The following PTPN14 variants were observed in gnomAD, a reference collection of about 807,000 sequenced individuals.
The protein encoded by PTPN14 is tyrosine-protein phosphatase non-receptor type 14.
PTPN14 carries 53 observed loss-of-function variants against 126.8 expected under a neutral mutation model. The ratio of observed to expected loss-of-function variants is 0.42; its 90% CI spans 0.34 to 0.53. The LOEUF (loss-of-function observed/expected upper bound fraction) is 0.53. Ranked by LOEUF, PTPN14 falls within the 20% of genes least tolerant of loss-of-function variation. The pLI, the probability that PTPN14 is intolerant of heterozygous loss-of-function variation, is 0.08. For synonymous variants in PTPN14, 630 were observed against 599.3 expected (o/e 1.05, Z -0.75); for missense variants, 1,257 against 1,552.9 (o/e 0.81, Z 3.20).
chr1:214,526,111 G>A (rs1039829875), intron 1 of PTPN14, among the ~76,000 whole-genome samples: 1 of 151,850 alleles, frequency 6.6e-6, no homozygotes, highest in African/African-American at 2.4e-5. Context: ...GATTACAGGC[G>A]CACACCACCA....
At chr1:214,520,065 A>ATATATATATATAT (rs1553274992) in intron 1 of PTPN14, among the ~76,000 whole-genome samples, 6 of 71,106 alleles carry the variant, frequency 8.4e-5, no homozygotes, top group African/African-American at 3.7e-4. Context: ...AAAAAAAAAA[A>ATATATATATATAT]ATATATATAT....
rs1006852191 is a variant in PTPN14, at chr1:214,460,598, CACACACACACACAT to C, written c.174+4018_174+4031del. Among the ~76,000 whole-genome samples, 58 of 130,532 alleles carry C rather than the reference CACACACACACACAT, an allele frequency of 4.4e-4. No individual in the cohort carries two copies. In the East Asian group the frequency reaches 4.9e-3, roughly 11 times the overall value. 85.6% of individuals were successfully genotyped at this position (130,532 alleles called of 152,430 possible). Reference sequence around the variant, plus strand: ...CTCTGCCTTTCCCTGAAAATTCTAACACACACACACACATACACACACACACATACACACACACA... The same window carrying C: ...CTCTGCCTTTCCCTGAAAATTCTAACACACACACACACATACACACACACA... On this transcript the variant is annotated intron_variant, in intron 2 of 18. Coordinates refer to ENST00000366956, the MANE Select transcript of PTPN14 (RefSeq NM_005401.5).
intron 3 of PTPN14, among the ~76,000 whole-genome samples, chr1:214,446,333 A>G (rs1287814009): frequency 6.6e-6 from 1 of 152,072 alleles, no homozygotes; most frequent in African/African-American, 2.4e-5. Context: ...TTCTCATTCA[A>G]TTAACACCTT....
At chr1:214,395,129 G>A (rs1000685114) in intron 8 of PTPN14, 143 bp from the exon 9 acceptor site, 10 of 728,920 alleles carry the variant, frequency 1.4e-5, no homozygotes, top group Non-Finnish European at 1.9e-5. Context: ...TCTTTCAAAC[G>A]AGAAAAGAAA....
intron 10 of PTPN14, among the ~76,000 whole-genome samples, chr1:214,392,206 G>A (rs1327789637): frequency 1.3e-5 from 2 of 152,108 alleles, no homozygotes; most frequent in Non-Finnish European, 2.9e-5. Flanking sequence ...GAGAGAGAGA[G>A]AGCGAGAGAG....
At chr1:214,392,183 G>GGAGAGAGAGAAAGA (rs1558082569) in intron 10 of PTPN14, among the ~76,000 whole-genome samples, 1 of 151,952 alleles carries the variant, frequency 6.6e-6, no homozygotes, top group Admixed American at 6.6e-5. Flanking sequence ...ATTTAATGGG[G>GGAGAGAGAGAAAGA]GAGAGAGAGA....
In PTPN14 at chr1:214,383,038, G is replaced by A. The variant is rs534390438; in HGVS notation, c.2544+273C>T. Among the ~76,000 whole-genome samples the A allele has an allele frequency of 6.6e-6, 1 of 152,192 alleles. No homozygotes were observed. The highest frequency in any genetic ancestry group is 1.5e-5 in the Non-Finnish European group (1 of 68,038). ...TTCCCCAATACCAGCTTACCCAATT[G>A]GAAGTCTGAGCTTTGAATAAACAGC... is the stretch of plus-strand genomic sequence containing the variant. On this transcript the variant is annotated intron_variant, in intron 13 of 18. Coordinates refer to ENST00000366956, the MANE Select transcript of PTPN14 (RefSeq NM_005401.5). This position sits in a 1 kb window ranked among gnomAD's most constrained non-coding sequence, Gnocchi z 4.4.
chr1:214,482,136 G>A (rs1014754709), intron 1 of PTPN14, among the ~76,000 whole-genome samples: 1 of 151,874 alleles, frequency 6.6e-6, no homozygotes, highest in Admixed American at 6.6e-5. Flanking sequence ...GAACCTGTAG[G>A]TGATGCTAAA....
At chr1:214,390,482 A>T (rs994103191) in intron 11 of PTPN14, among the ~76,000 whole-genome samples, 2 of 152,294 alleles carry the variant, frequency 1.3e-5, no homozygotes, top group South Asian at 2.1e-4. Context: ...GATTTTTTTT[A>T]AAAGGCCTAA....
chr1:214,458,038 TAGAG>T (rs1335195820), intron 2 of PTPN14, among the ~76,000 whole-genome samples: 2 of 146,112 alleles, frequency 1.4e-5, no homozygotes, highest in African/African-American at 2.6e-5. Flanking sequence ...TATCTATACC[TAGAG>T]AGAGAGAGAG....
chr1:214,531,043 AT>A (rs1296289039), intron 1 of PTPN14: 5 of 152,220 alleles, frequency 3.3e-5, no homozygotes, highest in African/African-American at 9.6e-5. Flanking sequence ...GAAATTTGCA[AT>A]GAATTCCAGG....
chr1:214,514,796 C>CT (rs902753642), intron 1 of PTPN14, among the ~76,000 whole-genome samples: 2 of 152,134 alleles, frequency 1.3e-5, no homozygotes, highest in African/African-American at 4.8e-5. Flanking sequence ...GCAGTGTGCC[C>CT]TCCAGTCCTT....
chr1:214,402,920 G>C lies in PTPN14; in HGVS notation c.544C>G (p.Leu182Val). ...TGTTCTTGGGCTACCTTCTGGGTCAGCTCCTCCAGAACAGCCTCTTCCAGG... is the reference window on the plus strand; with the variant it reads ...TGTTCTTGGGCTACCTTCTGGGTCACCTCCTCCAGAACAGCCTCTTCCAGG... ...LALEEAVLEE[L>V]TQKVAQEHKA... Residue 182 changes from leucine to valine, a missense_variant, in exon 6 of 19, where the codon CTG becomes GTG. Physicochemically the swap from Leu to Val is conservative, Grantham distance 32. This residue lies in a region of PTPN14 where 1,021 missense variants were observed against 1,183.3 expected (regional missense o/e 0.86). Transcript: ENST00000366956. 6.2e-7 allele frequency: 1 copy of C among 1,613,970 alleles called. No individual in the cohort carries two copies. The highest frequency in any genetic ancestry group is 1.7e-5 in the Admixed American group (1 of 60,006).
In PTPN14 at chr1:214,386,908, C is replaced by T. The variant is rs745512581; in HGVS notation, c.1002G>A (p.Pro334=). Residue 334 remains proline, a synonymous_variant, in exon 12 of 19, where the codon CCG becomes CCA. Coordinates refer to ENST00000366956, the MANE Select transcript of PTPN14 (RefSeq NM_005401.5). ...WSRSSLPRQQ[P]YILPPVHVQC... Reference sequence around the variant, plus strand: ...GGACGTGAACGGGAGGCAGGATGTACGGCTGCTGCCTGGGCTGAAACAGAG... The same window carrying T: ...GGACGTGAACGGGAGGCAGGATGTATGGCTGCTGCCTGGGCTGAAACAGAG... The T allele has an allele frequency of 1.9e-5, 30 of 1,604,618 alleles. No homozygotes were observed. The highest frequency in any genetic ancestry group is 4.5e-5 in the East Asian group (2 of 44,796).
chr1:214,478,845 C>A (rs929850234), intron 1 of PTPN14, among the ~76,000 whole-genome samples: 11 of 152,042 alleles, frequency 7.2e-5, no homozygotes, highest in Non-Finnish European at 1.3e-4. Flanking sequence ...CAATCTTTCA[C>A]CATTAGGTTA....
At chr1:214,449,332 C>T (rs1296070538) in intron 3 of PTPN14, among the ~76,000 whole-genome samples, 2 of 152,174 alleles carry the variant, frequency 1.3e-5, no homozygotes, top group Admixed American at 6.5e-5. Context: ...GCTTAAACAA[C>T]CTTTTTCTTT....
intron 1 of PTPN14, among the ~76,000 whole-genome samples, chr1:214,518,811 C>T (rs528769577): frequency 4.9e-4 from 74 of 152,220 alleles, no homozygotes; most frequent in African/African-American, 1.7e-3. Flanking sequence ...AGTAACTACG[C>T]TACCCAAAAA....
At chr1:214,450,890 G>C (rs1437423102) in intron 3 of PTPN14, among the ~76,000 whole-genome samples, 1 of 152,148 alleles carries the variant, frequency 6.6e-6, no homozygotes, top group African/African-American at 2.4e-5. Flanking sequence ...TCATTTCAAA[G>C]GCAGCACACG....
chr1:214,465,950 C>CATTTTTTTTTTTTTTTTTTTTTT (rs1558115729), intron 1 of PTPN14, among the ~76,000 whole-genome samples: 1 of 18,476 alleles, frequency 5.4e-5, no homozygotes, highest in African/African-American at 2.4e-4. Context: ...TCAGTTACTT[C>CATTTTTTTTTTTTTTTTTTTTTT]CTTTTTTTTT....
Sources: allele counts gnomAD v4.1 joint callset (sites outside exome capture counted in the v4.1 genomes callset), GRCh38; gene constraint gnomAD v4.1.1; regional missense constraint gnomAD v4.1.1; non-coding constraint Gnocchi (gnomAD v3.1); transcripts MANE v1.5; gene names NCBI Gene and HGNC (gene_info 2026-07-23, HGNC 2026-07-21).